BARD1: variants seen among roughly 807,000 people sequenced by gnomAD.
BARD1 encodes the protein BRCA1 associated RING domain 1.
Under a neutral mutation model 77.0 loss-of-function variants are expected in BARD1, and 73 were observed. The ratio of observed to expected loss-of-function variants is 0.95; its 90% CI spans 0.79 to 1.15. The LOEUF is 1.15. Among genes scored for constraint, BARD1 ranks in the 50% most tolerant of loss-of-function variants. The pLI, the probability that BARD1 is intolerant of heterozygous loss-of-function variation, is 0.00. For missense variants in BARD1, 993 were observed against 938.8 expected, an observed-to-expected ratio of 1.06 and a Z score of -0.75; for synonymous variants, 384 against 338.0, an observed-to-expected ratio of 1.14 and a Z score of -1.49.
In BARD1 at chr2:214,806,875, G is replaced by GAAAAAAA. The variant is rs140107019; in HGVS notation, c.158+2536_158+2537insTTTTTTT. On this transcript the variant is annotated intron_variant, in intron 1 of 10. Coordinates refer to ENST00000260947, the MANE Select transcript of BARD1 (RefSeq NM_000465.4). ...GGTGACAGAGTGAAACTTTGCCTAG[G>GAAAAAAA]GAAAAAAAAAAAAAAAAGGCACCCC... Among the ~76,000 whole-genome samples, 8 of 105,974 alleles carry GAAAAAAA rather than the reference G, an allele frequency of 7.5e-5. 4 individuals are homozygous for GAAAAAAA. Among genetic ancestry groups the GAAAAAAA allele is most frequent in the Admixed American group, 2.1e-4 (2 of 9,422 alleles). The allele number at this position is 105,974 out of a possible 152,430, so 69.5% of individuals were successfully genotyped here. A position where few individuals can be genotyped will look rare whatever the true frequency, so the allele number is the denominator to read the frequency against.
chr2:214,793,165 G>C (rs1465961073), intron 2 of BARD1, among the ~76,000 whole-genome samples: 1 of 152,116 alleles, frequency 6.6e-6, no homozygotes, highest in Non-Finnish European at 1.5e-5. Flanking sequence ...TAATGTAACA[G>C]TTGAAAAGCC....
At chr2:214,777,329 T>C (rs979119713) in intron 4 of BARD1, among the ~76,000 whole-genome samples, 1 of 152,132 alleles carries the variant, frequency 6.6e-6, no homozygotes, top group African/African-American at 2.4e-5. Context: ...CAAGGTATTA[T>C]ACGATGTTTA....
intron 6 of BARD1, among the ~76,000 whole-genome samples, chr2:214,756,780 G>A (rs1347006392): frequency 3.3e-5 from 5 of 152,120 alleles, no homozygotes; most frequent in African/African-American, 4.8e-5. Context: ...TAAGCTATGG[G>A]GATGCAAAGG....
rs1553616392 is a variant in BARD1 at position 214,752,516 on chromosome 2, A to G, written c.1608T>C (p.Asp536=). Residue 536 remains aspartate (D), a synonymous_variant, in exon 7 of 11, where the codon GAT becomes GAC. Transcript: ENST00000260947. ...FGLRPVDYTD[D]ESMKSLLLLP... ...GCAGCAATAGCGATTTCATACTTTC[A>G]TCATCTGTATAATCGACAGGCCGCA... is the stretch of plus-strand genomic sequence containing the variant. The G allele has an allele frequency of 6.2e-7, 1 of 1,613,812 alleles. No individual in the cohort carries two copies. Among genetic ancestry groups the G allele is most frequent in the Non-Finnish European group, 8.5e-7 (1 of 1,179,814 alleles).
At position 214,766,203 on chromosome 2, in the gene BARD1, A is replaced by T. The variant is rs182064500; in HGVS notation, c.1568+1279T>A. Among the ~76,000 whole-genome samples, 125 of 152,292 alleles carry T rather than the reference A, an allele frequency of 8.2e-4. 1 individual carries two copies. Among genetic ancestry groups the T allele is most frequent in the East Asian group, 4.4e-3 (23 of 5,186 alleles). ...CACTCTTGACAATGCCAATTTTAAA[A>T]TCCAGCTGCTGGCATTCACTAATGC... On this transcript the variant is annotated intron_variant, in intron 6 of 10. Transcript: ENST00000260947.
At chr2:214,798,566 C>G (rs1184661479) in intron 1 of BARD1, among the ~76,000 whole-genome samples, 2 of 151,952 alleles carry the variant, frequency 1.3e-5, no homozygotes, top group Non-Finnish European at 2.9e-5. Context: ...TGCTCTCTAC[C>G]TTGAAAGAAG....
chr2:214,773,627 T>TATTTTTTAAATA lies in BARD1; in HGVS notation c.1315-4316_1315-4315insTATTTAAAAAAT, dbSNP rs1694611476. Among the ~76,000 whole-genome samples, 3 of 93,700 alleles carry TATTTTTTAAATA rather than the reference T, an allele frequency of 3.2e-5. No homozygotes were observed. In the South Asian group the frequency reaches 8.9e-4, roughly 28 times the overall value. The allele number at this position is 93,700 out of a possible 152,430, so 61.5% of individuals were successfully genotyped here. A position where few individuals can be genotyped will look rare whatever the true frequency, so the allele number is the denominator to read the frequency against. ...TAGTCTACTAAGTGTGCAATAGCATTATGTTTTTTAAAAAAAATGAACAGA... is the reference window on the plus strand; with the variant it reads ...TAGTCTACTAAGTGTGCAATAGCATTATTTTTTAAATAATGTTTTTTAAAAAAAATGAACAGA... On this transcript the variant is annotated intron_variant, in intron 4 of 10. Transcript: ENST00000260947.
At chr2:214,746,064 CT>C (rs1216573785) in intron 7 of BARD1, among the ~76,000 whole-genome samples, 6 of 152,024 alleles carry the variant, frequency 3.9e-5, no homozygotes, top group Non-Finnish European at 8.8e-5. Context: ...TGTGATAGCT[CT>C]CTATACCCAG....
chr2:214,753,257 G>T (rs1485614427), intron 6 of BARD1, among the ~76,000 whole-genome samples: 1 of 152,072 alleles, frequency 6.6e-6, no homozygotes, highest in Admixed American at 6.6e-5. Context: ...TATTCTCCTT[G>T]TTCAATTTCA....
intron 9 of BARD1, among the ~76,000 whole-genome samples, chr2:214,740,185 A>G (rs1163349645): frequency 2.0e-5 from 3 of 152,010 alleles, no homozygotes; most frequent in Non-Finnish European, 2.9e-5. Context: ...TTTTTATGTA[A>G]AAAATTCTGT....
chr2:214,781,597 T>G, intron 3 of BARD1, 88 bp from the exon 4 acceptor site: 10 of 1,001,062 alleles, frequency 1.0e-5, no homozygotes, highest in Non-Finnish European at 4.5e-6. Context: ...ACAGTTCCCC[T>G]AAAGTGTATC....
intron 3 of BARD1, among the ~76,000 whole-genome samples, chr2:214,784,926 C>T (rs1297035326): frequency 6.6e-6 from 1 of 151,504 alleles, no homozygotes; most frequent in Non-Finnish European, 1.5e-5. Flanking sequence ...ACCTAATGTA[C>T]ATGACAGGTT....
intron 9 of BARD1, among the ~76,000 whole-genome samples, chr2:214,741,240 T>A (rs1692812455): frequency 6.6e-6 from 1 of 152,136 alleles, no homozygotes; most frequent in African/African-American, 2.4e-5. Flanking sequence ...AGCTGCAATT[T>A]TATTTAAACT....
chr2:214,728,523 A>T lies in BARD1; in HGVS notation c.*153T>A. The stretch of plus-strand genomic sequence containing the variant: ...AATGGTAAACATAACATGAATTCCT[A>T]ATCTGGCATTAGACTTTTTTTTTTT... On this transcript the variant is annotated 3_prime_UTR_variant, in exon 11 of 11. Coordinates refer to ENST00000260947, the MANE Select transcript of BARD1 (RefSeq NM_000465.4). The T allele has an allele frequency of 1.4e-6, 1 of 689,710 alleles. No homozygotes were observed. Among genetic ancestry groups the T allele is most frequent in the Non-Finnish European group, 2.3e-6 (1 of 432,662 alleles). 42.7% of individuals were successfully genotyped at this position (689,710 alleles called of 1,614,324 possible).
Position 214,729,573 on chromosome 2 carries a change from A to G in BARD1, c.2002-565T>C, listed in dbSNP as rs181037462. Reference sequence around the variant, plus strand: ...ATTTACAATTTTTTCCCTAAGATTCAGTCACCATCTCGGTTCCTTTTCACT... The same window carrying G: ...ATTTACAATTTTTTCCCTAAGATTCGGTCACCATCTCGGTTCCTTTTCACT... On this transcript the variant is annotated intron_variant, in intron 10 of 10. Coordinates refer to ENST00000260947, the MANE Select transcript of BARD1 (RefSeq NM_000465.4). 3.3e-5 allele frequency among the ~76,000 whole-genome samples: 5 copies of G among 152,336 alleles called. No individual in the cohort carries two copies. In the East Asian group the frequency reaches 9.6e-4, roughly 29 times the overall value.
chr2:214,745,437 C>T (rs893897797), intron 8 of BARD1, among the ~76,000 whole-genome samples: 1 of 152,200 alleles, frequency 6.6e-6, no homozygotes, highest in African/African-American at 2.4e-5. Context: ...TGACATTACA[C>T]TGCACAACAA....
At chr2:214,751,147 ATATATTTTTTTT>A (rs1693426033) in intron 7 of BARD1, among the ~76,000 whole-genome samples, 3 of 21,188 alleles carry the variant, frequency 1.4e-4, no homozygotes, top group African/African-American at 4.3e-4. Flanking sequence ...ATATATATAT[ATATATTTTTTTT>A]TTTTTTTTTT....
chr2:214,769,652 A>G (rs1694385435), intron 4 of BARD1, among the ~76,000 whole-genome samples: 1 of 152,170 alleles, frequency 6.6e-6, no homozygotes, highest in Non-Finnish European at 1.5e-5. Context: ...GAGGCAGGAG[A>G]ATCACTTGAG....
chr2:214,752,315 A>G (rs1559394459), intron 7 of BARD1, 132 bp downstream of exon 7: 1 of 720,822 alleles, frequency 1.4e-6, no homozygotes, highest in Non-Finnish European at 2.4e-6. Flanking sequence ...ACAGTAGCTA[A>G]TACTCAGGAA....
Sources: allele counts gnomAD v4.1 joint callset (sites outside exome capture counted in the v4.1 genomes callset), GRCh38; gene constraint gnomAD v4.1.1; transcripts MANE v1.5; gene names NCBI Gene and HGNC (gene_info 2026-07-23, HGNC 2026-07-21).